Variants in ZNF76 observed in about 807,000 individuals in gnomAD.
ZNF76 encodes zinc finger protein 523.
ZNF76 carries 66 observed loss-of-function variants against 66.9 expected under a neutral mutation model. The ratio of observed to expected loss-of-function variants is 0.99; its 90% CI spans 0.81 to 1.21. The LOEUF (loss-of-function observed/expected upper bound fraction) is 1.21, where lower values mean the gene tolerates loss of function less well. Ranked by LOEUF, ZNF76 falls within the 50% of genes most tolerant of loss-of-function variation. ZNF76 has a pLI of 0.00. For synonymous variants in ZNF76, 275 were observed against 296.1 expected (o/e 0.93, Z 0.73); for missense variants, 729 against 760.3 (o/e 0.96, Z 0.48).
rs957680449 is a variant in ZNF76, at chr6:35,292,306, C to T, written c.932-248C>T. On this transcript the variant is annotated intron_variant, in intron 9 of 13. Coordinates refer to ENST00000373953, the MANE Select transcript of ZNF76 (RefSeq NM_003427.5). The surrounding 1 kb of genome is among the most constrained non-coding windows in gnomAD (Gnocchi z 4.7). ...CCAGTGCCCCCTACCAGCCCCTTCACTAGCCCCAGCCTTGCCCTGTCCCCC... is the reference window on the plus strand; with the variant it reads ...CCAGTGCCCCCTACCAGCCCCTTCATTAGCCCCAGCCTTGCCCTGTCCCCC... The T allele has an allele frequency of 9.0e-6, 5 of 554,590 alleles. No homozygotes were observed. Among genetic ancestry groups the T allele is most frequent in the East Asian group, 6.2e-5 (2 of 32,448 alleles). The allele number at this position is 554,590 out of a possible 1,614,324, so 34.4% of individuals were successfully genotyped here. A position where few individuals can be genotyped will look rare whatever the true frequency, so the allele number is the denominator to read the frequency against.
chr6:35,293,343 C>T (rs1582202241), intron 11 of ZNF76, among the ~76,000 whole-genome samples: 1 of 152,208 alleles, frequency 6.6e-6, no homozygotes, highest in African/African-American at 2.4e-5. Flanking sequence ...TCAAGAGAGG[C>T]ATGTTCATAT....
rs887369675 is a variant in ZNF76, at chr6:35,284,141, G to T, written c.74-1987G>T. ...GAGTCTCACCCTGTAGCCCAGGCTG[G>T]AGTGCAGTGGCGTGATCTCGGCTCA... On this transcript the variant is annotated intron_variant, in intron 2 of 13. Coordinates refer to ENST00000373953, the MANE Select transcript of ZNF76 (RefSeq NM_003427.5). Among the ~76,000 whole-genome samples the T allele has an allele frequency of 5.1e-4, 78 of 152,178 alleles. 1 individual carries two copies. The highest frequency in any genetic ancestry group is 1.8e-3 in the African/African-American group (74 of 41,488).
chr6:35,290,118 C>T (rs548261493), intron 5 of ZNF76, 148 bp from the exon 6 acceptor site: 2 of 1,043,996 alleles, frequency 1.9e-6, no homozygotes, highest in Admixed American at 2.3e-5. Flanking sequence ...AGCATCTGTT[C>T]CTTGTCCGTC....
In ZNF76 at chr6:35,294,061, G is replaced by A; in HGVS notation, c.1494+146G>A. ...AAGGGGTCTTCCCCACAGTTCCTGG[G>A]CCATGAGCAGCTCTTACCTTTAAAA... On this transcript the variant is annotated intron_variant, in intron 12 of 13. Transcript: ENST00000373953. The A allele has an allele frequency of 1.3e-5, 12 of 916,586 alleles. No individual in the cohort carries two copies. In the South Asian group the frequency reaches 1.6e-4, roughly 12 times the overall value. 56.8% of individuals were successfully genotyped at this position (916,586 alleles called of 1,614,324 possible).
At chr6:35,277,624 A>G (rs754474360) in intron 1 of ZNF76, among the ~76,000 whole-genome samples, 3 of 152,216 alleles carry the variant, frequency 2.0e-5, no homozygotes, top group African/African-American at 7.2e-5. Flanking sequence ...GAGGATAATC[A>G]TAGCATTTGA....
At chr6:35,273,545 G>A (rs957236068) in intron 1 of ZNF76, among the ~76,000 whole-genome samples, 4 of 151,658 alleles carry the variant, frequency 2.6e-5, no homozygotes, top group African/African-American at 9.7e-5. Flanking sequence ...TACATTGGGA[G>A]GCCAACGCAG....
intron 13 of ZNF76, chr6:35,294,798 C>T (rs1347150248): frequency 1.7e-6 from 1 of 593,128 alleles, no homozygotes. Flanking sequence ...CGATGGCAGT[C>T]CACCTGTGGT....
intron 1 of ZNF76, among the ~76,000 whole-genome samples, chr6:35,275,576 G>A (rs1440447891): frequency 2.0e-5 from 3 of 152,142 alleles, no homozygotes; most frequent in Non-Finnish European, 4.4e-5. Flanking sequence ...ACTGGTAGAT[G>A]CCTAGCAGCC....
rs373806722 is a variant in ZNF76 at position 35,290,627 on chromosome 6, G to T, written c.550-14G>T. The T allele has an allele frequency of 6.2e-7, 1 of 1,613,986 alleles. No individual in the cohort carries two copies. The highest frequency in any genetic ancestry group is 1.3e-5 in the African/African-American group (1 of 75,050). On this transcript the variant is annotated splice_polypyrimidine_tract_variant and intron_variant, in intron 6 of 13. Transcript: ENST00000373953. ...CCTTGCTCCTCTGAATTATGTGATT[G>T]CTTGTCCTCACAGGTGCATGAACGA...
At chr6:35,266,011 CAA>C (rs957975010) in intron 1 of ZNF76, among the ~76,000 whole-genome samples, 3 of 152,082 alleles carry the variant, frequency 2.0e-5, no homozygotes, top group Admixed American at 1.3e-4. Flanking sequence ...ATAGTCTAAA[CAA>C]GAGAAGTTGG....
chr6:35,294,049 C>T, intron 12 of ZNF76, 134 bp downstream of exon 12: 1 of 1,091,362 alleles, frequency 9.2e-7, no homozygotes, highest in East Asian at 2.6e-5. Flanking sequence ...GGGTCTTCCC[C>T]ACAGTTCCTG....
intron 1 of ZNF76, among the ~76,000 whole-genome samples, chr6:35,260,326 C>T (rs1785040998): frequency 6.6e-6 from 1 of 152,042 alleles, no homozygotes; most frequent in South Asian, 2.1e-4. Flanking sequence ...TTGTGTTCCC[C>T]ACAAACTCGG....
chr6:35,286,282 A>C, intron 3 of ZNF76, 40 bp from the exon 4 acceptor site: 1 of 1,612,806 alleles, frequency 6.2e-7, no homozygotes. Context: ...CCTCCATGGC[A>C]CTGAGCTCCA....
intron 1 of ZNF76, among the ~76,000 whole-genome samples, chr6:35,276,712 C>T (rs773649119): frequency 1.1e-4 from 16 of 151,940 alleles, no homozygotes; most frequent in Non-Finnish European, 2.1e-4. Context: ...GCCACAGGGC[C>T]CAGGGAGTCT....
At chr6:35,275,967 T>C (rs988812128) in intron 1 of ZNF76, among the ~76,000 whole-genome samples, 80 of 152,276 alleles carry the variant, frequency 5.3e-4, no homozygotes, top group African/African-American at 1.8e-3. Flanking sequence ...GCGCCAGATA[T>C]TGAGAAGTAT....
Position 35,292,699 on chromosome 6 carries a change from C to T in ZNF76, c.1077C>T (p.Thr359=), listed in dbSNP as rs768869892. 2 of 1,614,184 alleles carry T rather than the reference C, an allele frequency of 1.2e-6. No homozygotes were observed. The highest frequency in any genetic ancestry group is 1.1e-5 in the South Asian group (1 of 91,084). ...GCAAGACCTACCGGCAGACCTCCACCTTGGCCATGCACAAGCGCAGTGCCC... is the reference window on the plus strand; with the variant it reads ...GCAAGACCTACCGGCAGACCTCCACTTTGGCCATGCACAAGCGCAGTGCCC... ...TCGKTYRQTS[T]LAMHKRSAHG... Residue 359 remains threonine, a synonymous_variant, in exon 10 of 14, where the codon ACC becomes ACT. Coordinates refer to ENST00000373953, the MANE Select transcript of ZNF76 (RefSeq NM_003427.5). The surrounding 1 kb of genome is among the most constrained non-coding windows in gnomAD (Gnocchi z 4.7).
chr6:35,269,280 CAA>C (rs10615994), intron 1 of ZNF76, among the ~76,000 whole-genome samples: 8,900 of 81,878 alleles, frequency 0.11, 460 homozygotes, highest in African/African-American at 0.25. Flanking sequence ...GACTCTGTCT[CAA>C]AAAAAAAAAA....
At position 35,290,240 on chromosome 6, in the gene ZNF76, T is replaced by C. The variant is rs375298649; in HGVS notation, c.433-26T>C. On this transcript the variant is annotated intron_variant, in intron 5 of 13. Coordinates refer to ENST00000373953, the MANE Select transcript of ZNF76 (RefSeq NM_003427.5). ...CCTTCTTCACTGGGGAGAATACATA[T>C]AGGGATCTCAAGACTTTTCCCCCAG... 3.9e-5 allele frequency: 63 copies of C among 1,613,726 alleles called. No homozygotes were observed. The African/African-American group carries it at 6.4e-4, about 16-fold the overall frequency.
chr6:35,294,874 A>C, intron 13 of ZNF76: 1 of 572,394 alleles, frequency 1.7e-6, no homozygotes, highest in Non-Finnish European at 3.1e-6. Flanking sequence ...GACGTAGATG[A>C]TCACCACGGT....
Sources: allele counts gnomAD v4.1 joint callset (sites outside exome capture counted in the v4.1 genomes callset), GRCh38; gene constraint gnomAD v4.1.1; non-coding constraint Gnocchi (gnomAD v3.1); transcripts MANE v1.5; gene names NCBI Gene and HGNC (gene_info 2026-07-23, HGNC 2026-07-21).